HK1: variants seen among roughly 807,000 people sequenced by gnomAD.
HK1 encodes hexokinase 1.
HK1 carries 28 observed loss-of-function variants against 91.6 expected under a neutral mutation model. The ratio of observed to expected loss-of-function variants is 0.31; its 90% CI spans 0.23 to 0.42. The LOEUF is 0.42. Among genes scored for constraint, HK1 ranks in the 10% least tolerant of loss-of-function variants. The probability of loss-of-function intolerance (pLI) is 1.00; values close to 1 mark genes in which losing one functional copy is unlikely to be tolerated. For synonymous variants in HK1, 430 were observed against 468.1 expected (o/e 0.92, Z 1.05); for missense variants, 770 against 1,219.8 (o/e 0.63, Z 5.49).
At position 69,302,018 on chromosome 10, in the gene HK1, G is replaced by A. The variant is rs1305726678; in HGVS notation, c.27+1157G>A. On this transcript the variant is annotated intron_variant, in intron 5 of 21. Coordinates refer to the HK1 transcript ENST00000360289. ...CCTAGAACTTTGGGAGGCCGAAACA[G>A]GTGGATCACCTGAGGTCAGGAGTTC... 5.9e-5 allele frequency among the ~76,000 whole-genome samples: 9 copies of A among 152,220 alleles called. No homozygotes were observed. The East Asian group carries it at 1.5e-3, about 26-fold the overall frequency.
intron 2 of HK1, among the ~76,000 whole-genome samples, chr10:69,352,412 C>A (rs140605647): frequency 2.1e-3 from 326 of 152,256 alleles, no homozygotes; most frequent in Admixed American, 4.1e-3. Context: ...GTCAGAATTT[C>A]CACCAAATCT....
intron 4 of HK1, chr10:69,296,127 A>T (rs939867405): frequency 5.1e-6 from 1 of 196,660 alleles, no homozygotes; most frequent in African/African-American, 2.3e-5. Context: ...TCCTGTCGAC[A>T]TATCCCATTT....
At chr10:69,270,027 A>G (rs1253293561) in exon 1 of HK1, 1 of 152,280 alleles carries the variant, frequency 6.6e-6, no homozygotes, top group Non-Finnish European at 1.5e-5. Context: ...GTGTTTGGAC[A>G]GGCCAGCCCC....
chr10:69,310,596 G>C (rs1043795579), intron 5 of HK1, among the ~76,000 whole-genome samples: 4 of 152,268 alleles, frequency 2.6e-5, no homozygotes, highest in African/African-American at 9.6e-5. Flanking sequence ...TGTTGATAAA[G>C]AGTCAGTCTG....
At chr10:69,377,132 G>A (rs746976880) in intron 8 of HK1, 43 bp downstream of exon 8, 1 of 1,612,006 alleles carries the variant, frequency 6.2e-7, no homozygotes, top group South Asian at 1.1e-5. Context: ...TGTTGGGGCA[G>A]AGAAGAGCAA....
rs1334205866 is a variant in HK1 at position 69,364,915 on chromosome 10, T to C, written c.495+13T>C. On this transcript the variant is annotated intron_variant, in intron 4 of 17. Coordinates refer to ENST00000359426, the MANE Select transcript of HK1 (RefSeq NM_000188.3). Reference sequence around the variant, plus strand: ...CAAAATAGATGAGGTAAGGATGTTCTGGGATTATCGGGCTCTGCAGATGCC... The same window carrying C: ...CAAAATAGATGAGGTAAGGATGTTCCGGGATTATCGGGCTCTGCAGATGCC... The C allele has an allele frequency of 3.7e-6, 6 of 1,614,158 alleles. No individual in the cohort carries two copies. The highest frequency in any genetic ancestry group is 5.1e-6 in the Non-Finnish European group (6 of 1,180,006).
At chr10:69,343,147 C>G (rs899634316) in intron 1 of HK1, among the ~76,000 whole-genome samples, 1 of 152,176 alleles carries the variant, frequency 6.6e-6, no homozygotes, top group Non-Finnish European at 1.5e-5. Flanking sequence ...GTGCTCTGGG[C>G]CTGCCACCCT....
chr10:69,367,108 G>A (rs971327151), intron 4 of HK1, among the ~76,000 whole-genome samples: 31 of 152,308 alleles, frequency 2.0e-4, no homozygotes, highest in African/African-American at 7.0e-4. Flanking sequence ...GACTTCCTGG[G>A]CACGAGAGCC....
intron 2 of HK1, among the ~76,000 whole-genome samples, chr10:69,351,439 G>A (rs1437666313): frequency 6.6e-6 from 1 of 152,148 alleles, no homozygotes; most frequent in Non-Finnish European, 1.5e-5. Context: ...AACCCCGGAG[G>A]CGGAGGTTGC....
intron 1 of HK1, chr10:69,338,510 C>A (rs1213555305): frequency 7.8e-7 from 1 of 1,289,382 alleles, no homozygotes; most frequent in Non-Finnish European, 1.0e-6. Context: ...GGTCCACAGA[C>A]CGAGGCTTGC....
At chr10:69,283,798 CAAAAAAA>C (rs571297748) in intron 2 of HK1, among the ~76,000 whole-genome samples, 1 of 67,630 alleles carries the variant, frequency 1.5e-5, no homozygotes, top group Non-Finnish European at 2.7e-5. Flanking sequence ...GACTCTGTCT[CAAAAAAA>C]AAAAAAAAAA....
At chr10:69,381,626 T>C (rs1839392542) in intron 9 of HK1, among the ~76,000 whole-genome samples, 1 of 149,892 alleles carries the variant, frequency 6.7e-6, no homozygotes, top group Non-Finnish European at 1.5e-5. Context: ...TGCTCTCAGC[T>C]CACTGCAACC....
intron 7 of HK1, among the ~76,000 whole-genome samples, chr10:69,370,705 A>G (rs1849953712): frequency 6.6e-6 from 1 of 152,204 alleles, no homozygotes; most frequent in Admixed American, 6.5e-5. Flanking sequence ...AGTATAAGTC[A>G]TGTAGACGTT....
intron 2 of HK1, among the ~76,000 whole-genome samples, chr10:69,348,683 T>C (rs969114483): frequency 6.6e-6 from 1 of 152,140 alleles, no homozygotes; most frequent in Non-Finnish European, 1.5e-5. Flanking sequence ...TGGTGGCCGG[T>C]GCCTGTAATC....
At chr10:69,347,528 C>T (rs1301212300) in intron 2 of HK1, among the ~76,000 whole-genome samples, 4 of 151,814 alleles carry the variant, frequency 2.6e-5, no homozygotes, top group South Asian at 2.1e-4. Context: ...CTCCGCCTCC[C>T]GGGTTCAAGC....
intron 15 of HK1, among the ~76,000 whole-genome samples, chr10:69,393,305 C>CT (rs199574875): frequency 0.31 from 44,834 of 143,800 alleles, 7,292 homozygotes; most frequent in East Asian, 0.42. Context: ...CTTTTCTTTT[C>CT]TTTTCTTTTT....
At chr10:69,278,028 C>T (rs530474905) in intron 1 of HK1, among the ~76,000 whole-genome samples, 18 of 111,632 alleles carry the variant, frequency 1.6e-4, no homozygotes, top group South Asian at 3.6e-4. Flanking sequence ...AGCGAGACTC[C>T]GTCTCAAAAA....
exon 3 of HK1, chr10:69,288,705 A>C (rs779560075): frequency 3.7e-6 from 6 of 1,608,922 alleles, no homozygotes; most frequent in Non-Finnish European, 2.6e-6. Context: ...GTAGAAAAGC[A>C]GAAGAAAGGA....
chr10:69,351,490 C>G (rs1480765626), intron 2 of HK1, among the ~76,000 whole-genome samples: 3 of 151,862 alleles, frequency 2.0e-5, no homozygotes, highest in Non-Finnish European at 4.4e-5. Flanking sequence ...GCCTGGGCAA[C>G]AAGAGTGAGA....
Sources: allele counts gnomAD v4.1 joint callset (sites outside exome capture counted in the v4.1 genomes callset), GRCh38; gene constraint gnomAD v4.1.1; transcripts MANE v1.5; gene names NCBI Gene and HGNC (gene_info 2026-07-23, HGNC 2026-07-21).